SPATA12: variants seen among roughly 807,000 people sequenced by gnomAD.
SPATA12 encodes the protein spermatogenesis associated 12.
For missense variants in SPATA12, 219 were observed against 226.4 expected, an observed-to-expected ratio of 0.97 and a Z score of 0.21; for synonymous variants, 85 against 89.2, an observed-to-expected ratio of 0.95 and a Z score of 0.26.
intron 1 of SPATA12, among the ~76,000 whole-genome samples, chr3:57,072,666 C>CG (rs1418278824): frequency 4.6e-4 from 66 of 143,488 alleles, no homozygotes; most frequent in Middle Eastern, 4.3e-3. Context: ...CACGTGAACC[C>CG]GGGGGGCAGA....
chr3:57,073,923 T>A lies in SPATA12; in HGVS notation c.229T>A (p.Cys77Ser). The A allele has an allele frequency of 6.2e-7, 1 of 1,614,176 alleles. No homozygotes were observed. The change falls in exon 2 of 2, where the codon TGC becomes AGC. Residue 77 changes from cysteine (C) to serine (S), a missense_variant. By Grantham distance (112) the Cys-to-Ser change is moderately radical (BLOSUM62 -1). Transcript: ENST00000334325. Reference protein sequence around the residue: ...LPELTFQGDVCQSETCQRYLQ... With the variant: ...LPELTFQGDVSQSETCQRYLQ... ...AGAGCTGACATTTCAGGGGGATGTG[T>A]GCCAAAGTGAGACCTGTCAGAGATA...
At chr3:57,062,460 CG>C (rs566679044) in intron 1 of SPATA12, among the ~76,000 whole-genome samples, 2 of 152,192 alleles carry the variant, frequency 1.3e-5, no homozygotes, top group East Asian at 3.9e-4. Flanking sequence ...GCGGCGGGGG[CG>C]GGGGGTGCTC....
intron 1 of SPATA12, among the ~76,000 whole-genome samples, chr3:57,069,228 G>A (rs1033667810): frequency 2.0e-5 from 3 of 152,092 alleles, no homozygotes; most frequent in African/African-American, 7.2e-5. Flanking sequence ...GCCTAGATCT[G>A]AGATTTTGAA....
chr3:57,067,152 G>T (rs988686769), intron 1 of SPATA12, among the ~76,000 whole-genome samples: 2 of 152,110 alleles, frequency 1.3e-5, no homozygotes, highest in African/African-American at 4.8e-5. Flanking sequence ...TGGCAACCCA[G>T]AAAGAATAAC....
intron 1 of SPATA12, among the ~76,000 whole-genome samples, chr3:57,069,376 A>ACACACACACACAC (rs1705749598): frequency 1.4e-5 from 2 of 146,362 alleles, no homozygotes; most frequent in African/African-American, 5.0e-5. Flanking sequence ...CTGTCTCTCA[A>ACACACACACACAC]ACACACACAC....
chr3:57,063,735 A>G (rs1705367900), intron 1 of SPATA12, among the ~76,000 whole-genome samples: 1 of 152,196 alleles, frequency 6.6e-6, no homozygotes, highest in African/African-American at 2.4e-5. Context: ...GGATGGCAAC[A>G]GAGAACAGGC....
chr3:57,073,318 T>C (rs1706036694), intron 1 of SPATA12, 48 bp from the exon 2 acceptor site: 2 of 182,700 alleles, frequency 1.1e-5, no homozygotes, highest in Admixed American at 1.1e-4. Context: ...TATGTTTACG[T>C]TTATGTTCAA....
At chr3:57,066,472 A>T in intron 1 of SPATA12, among the ~76,000 whole-genome samples, 1 of 152,180 alleles carries the variant, frequency 6.6e-6, no homozygotes, top group East Asian at 1.9e-4. Flanking sequence ...CATGTTGGCT[A>T]GGCTGGTCTT....
intron 1 of SPATA12, among the ~76,000 whole-genome samples, chr3:57,068,919 A>ATTT (rs35984791): frequency 6.5e-5 from 9 of 138,266 alleles, no homozygotes; most frequent in African/African-American, 8.0e-5. Context: ...AAAAGATCTG[A>ATTT]TTTTTTTTTT....
In SPATA12 at chr3:57,074,295, G is replaced by A. The variant is rs561361618; in HGVS notation, c.*28G>A. 21 of 1,585,218 alleles carry A rather than the reference G, an allele frequency of 1.3e-5. No individual in the cohort carries two copies. Among genetic ancestry groups the A allele is most frequent in the Non-Finnish European group, 1.6e-5 (19 of 1,160,578 alleles). ...AATAATAATCCTGCAACATCTGAGA[G>A]TCTGGCAGCTGTTTGTCTGGGCCTT... On this transcript the variant is annotated 3_prime_UTR_variant, in exon 2 of 2. Transcript: ENST00000334325.
chr3:57,068,446 C>T (rs1705689714), intron 1 of SPATA12, among the ~76,000 whole-genome samples: 1 of 152,230 alleles, frequency 6.6e-6, no homozygotes, highest in Non-Finnish European at 1.5e-5. Context: ...CCTAAATTAA[C>T]TTGCCAATTC....
Position 57,073,958 on chromosome 3 carries a change from A to T in SPATA12, c.264A>T (p.Ala88=). 6.2e-7 allele frequency: 1 copy of T among 1,614,244 alleles called. No individual in the cohort carries two copies. Among genetic ancestry groups the T allele is most frequent in the Non-Finnish European group, 8.5e-7 (1 of 1,180,044 alleles). ...QSETCQRYLQ[A]AISLDIAVSQ... is the part of the protein sequence containing the mutation. The stretch of plus-strand genomic sequence containing the variant: ...AGACCTGTCAGAGATATTTACAAGC[A>T]GCCATCTCTCTTGACATCGCTGTAT... Residue 88 remains alanine, a synonymous_variant, in exon 2 of 2, where the codon GCA becomes GCT. Transcript: ENST00000334325.
chr3:57,070,531 A>G (rs1705827815), intron 1 of SPATA12, among the ~76,000 whole-genome samples: 1 of 152,204 alleles, frequency 6.6e-6, no homozygotes, highest in Non-Finnish European at 1.5e-5. Context: ...TAATATTGTT[A>G]AGATGGCAAA....
At chr3:57,067,752 C>T (rs550423373) in intron 1 of SPATA12, among the ~76,000 whole-genome samples, 118 of 150,376 alleles carry the variant, frequency 7.8e-4, no homozygotes, top group African/African-American at 2.7e-3. Context: ...GAGGCCGAGG[C>T]GGGCGGATCA....
At chr3:57,064,103 C>T (rs1325721536) in intron 1 of SPATA12, among the ~76,000 whole-genome samples, 2 of 152,036 alleles carry the variant, frequency 1.3e-5, no homozygotes, top group Non-Finnish European at 2.9e-5. Context: ...CCTGTCTCTA[C>T]CAAAAATACA....
At chr3:57,071,180 T>C (rs1705880940) in intron 1 of SPATA12, among the ~76,000 whole-genome samples, 1 of 152,142 alleles carries the variant, frequency 6.6e-6, no homozygotes, top group Admixed American at 6.5e-5. Flanking sequence ...TAAATTGATT[T>C]TTGACAAGAG....
rs1579226025 is a variant in SPATA12, at chr3:57,073,675, C to T, written c.-20C>T. 6.3e-7 allele frequency: 1 copy of T among 1,596,872 alleles called. No individual in the cohort carries two copies. Among genetic ancestry groups the T allele is most frequent in the South Asian group, 1.1e-5 (1 of 88,506 alleles). ...CCCCAGCCTCCTTTTCTGGAGAATTCTGTTTTTGACTTGGGCCCCATGTCC... is the reference window on the plus strand; with the variant it reads ...CCCCAGCCTCCTTTTCTGGAGAATTTTGTTTTTGACTTGGGCCCCATGTCC... On this transcript the variant is annotated 5_prime_UTR_variant, in exon 2 of 2. Coordinates refer to ENST00000334325, the MANE Select transcript of SPATA12 (RefSeq NM_181727.2).
intron 1 of SPATA12, among the ~76,000 whole-genome samples, chr3:57,065,444 G>C (rs558925466): frequency 2.0e-5 from 3 of 151,844 alleles, no homozygotes; most frequent in African/African-American, 7.3e-5. Flanking sequence ...CTGGGCAACA[G>C]AGCAGGACTC....
chr3:57,064,585 G>A (rs182139070), intron 1 of SPATA12, among the ~76,000 whole-genome samples: 1 of 152,312 alleles, frequency 6.6e-6, no homozygotes, highest in East Asian at 1.9e-4. Flanking sequence ...TGGGATTACA[G>A]GCATGAGCCA....
Sources: gnomAD v4.1 joint callset for allele counts (sites outside exome capture counted in the v4.1 genomes callset) on GRCh38, gnomAD v4.1.1 for gene constraint, MANE v1.5 for transcripts, NCBI Gene and HGNC (gene_info 2026-07-23, HGNC 2026-07-21) for gene names.